The following TRHDE variants were observed in gnomAD, a reference collection of about 807,000 sequenced individuals.
TRHDE encodes thyrotropin releasing hormone degrading enzyme, also known as thyrotropin-releasing hormone-degrading ectoenzyme.
A neutral mutation model predicts 125.7 loss-of-function variants in TRHDE; 72 were observed. The ratio of observed to expected loss-of-function variants is 0.57; its 90% CI spans 0.47 to 0.70. The LOEUF is 0.70. TRHDE is among the 30% of genes least tolerant of loss of function. The pLI, the probability that TRHDE is intolerant of heterozygous loss-of-function variation, is 0.00. For missense variants in TRHDE, 1,110 were observed against 1,327.1 expected, an observed-to-expected ratio of 0.84 and a Z score of 2.54; for synonymous variants, 509 against 509.1, an observed-to-expected ratio of 1.00 and a Z score of 0.00.
At chr12:72,313,358 T>C (rs1313296463) in intron 2 of TRHDE, among the ~76,000 whole-genome samples, 1 of 152,058 alleles carries the variant, frequency 6.6e-6, no homozygotes, top group East Asian at 1.9e-4. Flanking sequence ...CTTTTGGCCT[T>C]CTATTTAAAT....
intron 3 of TRHDE, among the ~76,000 whole-genome samples, chr12:72,437,904 G>A (rs1225172539): frequency 1.3e-5 from 2 of 151,670 alleles, no homozygotes; most frequent in African/African-American, 4.8e-5. Flanking sequence ...AATTTTGTAT[G>A]TTTGAGCCAA....
chr12:72,313,297 A>G (rs1352336981), intron 2 of TRHDE, among the ~76,000 whole-genome samples: 1 of 151,962 alleles, frequency 6.6e-6, no homozygotes, highest in African/African-American at 2.4e-5. Flanking sequence ...TTATATTTAT[A>G]CAAGTTTTTA....
At chr12:72,532,174 ATTTG>A (rs1868590229) in intron 6 of TRHDE, among the ~76,000 whole-genome samples, 1 of 151,876 alleles carries the variant, frequency 6.6e-6, no homozygotes, top group South Asian at 2.1e-4. Context: ...GTTTTATAAT[ATTTG>A]TTTGTACTTT....
At chr12:72,191,522 C>A (rs1877339854) in intron 2 of TRHDE, among the ~76,000 whole-genome samples, 1 of 152,066 alleles carries the variant, frequency 6.6e-6, no homozygotes, top group African/African-American at 2.4e-5. Flanking sequence ...AAAATCTTTC[C>A]TAATATCCTA....
At chr12:72,413,082 T>C (rs1873579400) in intron 3 of TRHDE, among the ~76,000 whole-genome samples, 1 of 152,068 alleles carries the variant, frequency 6.6e-6, no homozygotes, top group African/African-American at 2.4e-5. Flanking sequence ...AAGATTACAT[T>C]TGTGTTTTAT....
At chr12:72,288,000 A>G (rs1398052949) in intron 2 of TRHDE, among the ~76,000 whole-genome samples, 1 of 151,588 alleles carries the variant, frequency 6.6e-6, no homozygotes, top group Non-Finnish European at 1.5e-5. Flanking sequence ...TAAGGAGGTT[A>G]AGTAACTTGT....
intron 6 of TRHDE, among the ~76,000 whole-genome samples, chr12:72,508,852 A>G (rs1452314490): frequency 1.3e-5 from 2 of 152,068 alleles, no homozygotes; most frequent in African/African-American, 4.8e-5. Context: ...ATGAGTTCTC[A>G]TGAGATCTGG....
At chr12:72,250,133 C>T (rs987080258) in intron 2 of TRHDE, among the ~76,000 whole-genome samples, 1 of 152,016 alleles carries the variant, frequency 6.6e-6, no homozygotes, top group African/African-American at 2.4e-5. Flanking sequence ...TAATGGTTGC[C>T]TGGGGCTGGG....
At position 72,232,131 on chromosome 12, in the gene TRHDE, A is replaced by AG. The variant is rs746533054; in HGVS notation, n.279+126383dup. Among the ~76,000 whole-genome samples, 124 of 152,126 alleles carry AG rather than the reference A, an allele frequency of 8.2e-4. 1 individual carries two copies. The highest frequency in any genetic ancestry group is 1.5e-3 in the Non-Finnish European group (99 of 68,010). On this transcript the variant is annotated intron_variant and non_coding_transcript_variant, in intron 2 of 4. Coordinates refer to the TRHDE transcript ENST00000548156. ...TTTGTTGCTCATAGTTCTCAAGAGGAGGGGTACACCAGGCCATGCAGGGCA... is the reference window on the plus strand; with the variant it reads ...TTTGTTGCTCATAGTTCTCAAGAGGAGGGGGTACACCAGGCCATGCAGGGCA...
rs563551144 is a variant in TRHDE, at chr12:72,099,860, T to A, written n.175-5788T>A. 2.0e-5 allele frequency among the ~76,000 whole-genome samples: 3 copies of A among 152,324 alleles called. No homozygotes were observed. In the South Asian group the frequency reaches 6.2e-4, roughly 32 times the overall value. ...TCAGTAGCTATCATTTTGATTTTTA[T>A]GTTGATTCTAATATTAACACCAATG... On this transcript the variant is annotated intron_variant and non_coding_transcript_variant, in intron 1 of 4. Transcript: ENST00000548156.
intron 5 of TRHDE, among the ~76,000 whole-genome samples, chr12:72,497,051 C>A (rs1018616753): frequency 6.6e-6 from 1 of 151,836 alleles, no homozygotes; most frequent in Non-Finnish European, 1.5e-5. Context: ...TTCTTTGTTC[C>A]CCCTCTCTCT....
intron 6 of TRHDE, among the ~76,000 whole-genome samples, chr12:72,515,300 T>C (rs1878794186): frequency 1.4e-5 from 2 of 139,660 alleles, no homozygotes; most frequent in African/African-American, 5.7e-5. Flanking sequence ...CCAGCACCTG[T>C]TGTTTCCTGA....
chr12:72,161,053 C>A (rs1322008801), intron 2 of TRHDE, among the ~76,000 whole-genome samples: 1 of 152,116 alleles, frequency 6.6e-6, no homozygotes. Flanking sequence ...TCACTGGCTG[C>A]AAATTGTACC....
chr12:72,399,763 T>G (rs931694756), intron 3 of TRHDE, among the ~76,000 whole-genome samples: 2 of 152,162 alleles, frequency 1.3e-5, no homozygotes, highest in Non-Finnish European at 2.9e-5. Context: ...GATTCTTTAT[T>G]AAAGTGTAGT....
At chr12:72,221,779 TACTA>T (rs1047393664) in intron 2 of TRHDE, among the ~76,000 whole-genome samples, 18 of 152,312 alleles carry the variant, frequency 1.2e-4, no homozygotes, top group Middle Eastern at 3.4e-3. Context: ...TTCAGCTATC[TACTA>T]ACTAACTAAT....
At chr12:72,368,340 CTGAA>C (rs993297497) in intron 2 of TRHDE, among the ~76,000 whole-genome samples, 1 of 152,142 alleles carries the variant, frequency 6.6e-6, no homozygotes, top group Non-Finnish European at 1.5e-5. Flanking sequence ...ATTCTGACAA[CTGAA>C]TGTGTCTTCT....
intron 3 of TRHDE, among the ~76,000 whole-genome samples, chr12:72,458,568 C>G (rs936091472): frequency 1.3e-5 from 2 of 152,094 alleles, no homozygotes; most frequent in Non-Finnish European, 2.9e-5. Context: ...TTTCCCCGAC[C>G]CCAGCCTCTC....
chr12:72,379,164 T>C (rs1241343481), intron 3 of TRHDE, among the ~76,000 whole-genome samples: 1 of 152,236 alleles, frequency 6.6e-6, no homozygotes, highest in Non-Finnish European at 1.5e-5. Context: ...TTCATTAAAG[T>C]ACCTGCCTGC....
At chr12:72,408,129 A>G (rs1457898886) in intron 3 of TRHDE, among the ~76,000 whole-genome samples, 2 of 152,242 alleles carry the variant, frequency 1.3e-5, no homozygotes, top group Non-Finnish European at 2.9e-5. Flanking sequence ...ACTTGCTTTT[A>G]TAAGAAACCT....
Sources: allele counts gnomAD v4.1 joint callset (sites outside exome capture counted in the v4.1 genomes callset), GRCh38; gene constraint gnomAD v4.1.1; transcripts MANE v1.5; gene names NCBI Gene and HGNC (gene_info 2026-07-23, HGNC 2026-07-21).